Variants in FLRT1 observed in about 807,000 individuals in gnomAD.
FLRT1 encodes fibronectin leucine rich transmembrane protein 1, also known as leucine-rich repeat transmembrane protein FLRT1.
Under a neutral mutation model 30.9 loss-of-function variants are expected in FLRT1, and 14 were observed. That is an observed-to-expected ratio of 0.45 (90% CI 0.30 to 0.71). The LOEUF is 0.71. Ranked by LOEUF, FLRT1 falls within the 30% of genes least tolerant of loss-of-function variation. The pLI, the probability that FLRT1 is intolerant of heterozygous loss-of-function variation, is 0.08. For missense variants in FLRT1, 737 were observed against 949.2 expected, an observed-to-expected ratio of 0.78 and a Z score of 2.94; for synonymous variants, 368 against 430.4, an observed-to-expected ratio of 0.85 and a Z score of 1.80.
At chr11:64,059,552 C>T (rs1320482674) in intron 1 of FLRT1, among the ~76,000 whole-genome samples, 1 of 152,188 alleles carries the variant, frequency 6.6e-6, no homozygotes, top group African/African-American at 2.4e-5. Context: ...TACTTCCACC[C>T]TCATCTGGGG....
At chr11:64,072,142 G>A (rs1253380730) in intron 1 of FLRT1, among the ~76,000 whole-genome samples, 1 of 152,248 alleles carries the variant, frequency 6.6e-6, no homozygotes, top group Non-Finnish European at 1.5e-5. Context: ...GCCAGGGGTG[G>A]GAGTGAGTGG....
At chr11:64,099,223 C>G (rs766204952) in intron 1 of FLRT1, among the ~76,000 whole-genome samples, 1 of 152,250 alleles carries the variant, frequency 6.6e-6, no homozygotes, top group Admixed American at 6.5e-5. Context: ...CCATGATCCA[C>G]CCCACTCCCC....
chr11:64,049,428 C>T (rs73498145), intron 1 of FLRT1, among the ~76,000 whole-genome samples: 2,758 of 152,288 alleles, frequency 0.018, 75 homozygotes, highest in African/African-American at 0.06. Context: ...GCGCTGGGCC[C>T]AGTTCTGAGC....
chr11:64,113,871 C>CATACATGG lies in FLRT1; in HGVS notation c.-49-2346_-49-2345insACATGGAT, dbSNP rs1555025518. Among the ~76,000 whole-genome samples the CATACATGG allele has an allele frequency of 1.2e-3, 95 of 77,910 alleles. 1 individual carries two copies. The East Asian group carries it at 0.021, about 17-fold the overall frequency. The allele number at this position is 77,910 out of a possible 152,430, so 51.1% of individuals were successfully genotyped here. A position where few individuals can be genotyped will look rare whatever the true frequency, so the allele number is the denominator to read the frequency against. On this transcript the variant is annotated intron_variant, in intron 2 of 2. Coordinates refer to ENST00000682287, the MANE Select transcript of FLRT1 (RefSeq NM_013280.5). ...GGACAGCTGGATGTATGGATTGATA[C>CATACATGG]ATGGATGGATGGATGGATGGATGGA...
At chr11:64,050,722 G>A (rs976527959) in intron 1 of FLRT1, among the ~76,000 whole-genome samples, 2 of 152,276 alleles carry the variant, frequency 1.3e-5, no homozygotes, top group East Asian at 1.9e-4. Flanking sequence ...GGGTTCAAGC[G>A]ATTCTCCTGC....
chr11:64,073,964 G>C (rs760702092), intron 1 of FLRT1, among the ~76,000 whole-genome samples: 22 of 152,132 alleles, frequency 1.4e-4, no homozygotes, highest in Non-Finnish European at 3.2e-4. Context: ...GAGCCCCCAG[G>C]GTGCTTTGGA....
At chr11:64,079,003 G>A (rs1944256319) in intron 1 of FLRT1, among the ~76,000 whole-genome samples, 1 of 152,184 alleles carries the variant, frequency 6.6e-6, no homozygotes. Flanking sequence ...TTTGTTCTGA[G>A]GGGAGGGTGG....
chr11:64,072,985 C>A (rs1190436978), intron 1 of FLRT1, among the ~76,000 whole-genome samples: 1 of 152,208 alleles, frequency 6.6e-6, no homozygotes, highest in African/African-American at 2.4e-5. Context: ...TCTGAAGGGT[C>A]CTGCAGCCCA....
At chr11:64,068,845 G>A (rs1944053805) in intron 1 of FLRT1, among the ~76,000 whole-genome samples, 1 of 152,252 alleles carries the variant, frequency 6.6e-6, no homozygotes, top group Non-Finnish European at 1.5e-5. Context: ...CTCCCAGCCT[G>A]GTTGAGTGAG....
intron 1 of FLRT1, among the ~76,000 whole-genome samples, chr11:64,040,953 G>T (rs1943472932): frequency 6.6e-6 from 1 of 152,064 alleles, no homozygotes; most frequent in African/African-American, 2.4e-5. Flanking sequence ...GGGTCAAAGG[G>T]CATCCTCATG....
intron 1 of FLRT1, among the ~76,000 whole-genome samples, chr11:64,092,540 C>T (rs906429335): frequency 6.6e-6 from 1 of 152,210 alleles, no homozygotes. Context: ...TCAGAGACCG[C>T]GTGTGGTCAT....
intron 1 of FLRT1, among the ~76,000 whole-genome samples, chr11:64,095,764 C>A (rs975393689): frequency 6.6e-6 from 1 of 152,210 alleles, no homozygotes; most frequent in Non-Finnish European, 1.5e-5. Context: ...AGCACTAGCA[C>A]GGAGCCCTTG....
At chr11:64,089,797 T>TA (rs1247038878) in intron 1 of FLRT1, among the ~76,000 whole-genome samples, 1 of 152,106 alleles carries the variant, frequency 6.6e-6, no homozygotes, top group East Asian at 1.9e-4. Context: ...TAAGGGCTCC[T>TA]AATGCCAGTC....
At chr11:64,088,227 G>A (rs374735501) in intron 1 of FLRT1, among the ~76,000 whole-genome samples, 4 of 152,164 alleles carry the variant, frequency 2.6e-5, no homozygotes, top group South Asian at 2.1e-4. Flanking sequence ...GGTAAAAGTC[G>A]CTGCCTCCTC....
chr11:64,044,253 T>C (rs1047544367), intron 1 of FLRT1, among the ~76,000 whole-genome samples: 1 of 145,480 alleles, frequency 6.9e-6, no homozygotes, highest in Admixed American at 6.9e-5. Context: ...CCCAACAACT[T>C]TTTTTTTTTT....
chr11:64,117,299 G>C lies in FLRT1; in HGVS notation c.1032G>C (p.Lys344Asn), dbSNP rs1247339552. Residue 344 changes from lysine (K) to asparagine (N), a missense_variant, in exon 3 of 3, where the codon AAG (lysine) becomes AAC (asparagine). By Grantham distance (94) the Lys-to-Asn change is moderately conservative. Transcript: ENST00000682287. Reference protein sequence around the residue: ...CNLMWLRDWVKARAAVVNVRG... With the variant: ...CNLMWLRDWVNARAAVVNVRG... ...TCATGTGGCTGCGGGACTGGGTGAAGGCACGGGCGGCCGTGGTCAACGTGC... is the reference window on the plus strand; with the variant it reads ...TCATGTGGCTGCGGGACTGGGTGAACGCACGGGCGGCCGTGGTCAACGTGC... 2.5e-6 allele frequency: 4 copies of C among 1,614,160 alleles called. No individual in the cohort carries two copies. The South Asian group carries it at 4.4e-5, about 18-fold the overall frequency.
At chr11:64,052,769 TC>T (rs1367016727) in intron 1 of FLRT1, among the ~76,000 whole-genome samples, 1 of 152,210 alleles carries the variant, frequency 6.6e-6, no homozygotes, top group African/African-American at 2.4e-5. Flanking sequence ...AACCTGATTC[TC>T]CTGACTCCAG....
chr11:64,108,629 T>C (rs751812625), intron 2 of FLRT1, among the ~76,000 whole-genome samples: 21 of 152,218 alleles, frequency 1.4e-4, no homozygotes, highest in Non-Finnish European at 2.4e-4. Context: ...GCTTCCTGTC[T>C]AGTGGGAGGT....
At chr11:64,053,088 C>T (rs564924746) in intron 1 of FLRT1, among the ~76,000 whole-genome samples, 15 of 152,210 alleles carry the variant, frequency 9.9e-5, no homozygotes, top group South Asian at 2.1e-4. Context: ...CCCTCCAGCA[C>T]GCTGGGCCTG....
Sources: allele counts gnomAD v4.1 joint callset (sites outside exome capture counted in the v4.1 genomes callset), GRCh38; gene constraint gnomAD v4.1.1; transcripts MANE v1.5; gene names NCBI Gene and HGNC (gene_info 2026-07-23, HGNC 2026-07-21).